Variants in SGMS2 observed in about 807,000 individuals in gnomAD.
The protein encoded by SGMS2 is phosphatidylcholine:ceramide cholinephosphotransferase 2.
In SGMS2, 21 loss-of-function variants were observed where a neutral mutation model predicts 43.8. That is an observed-to-expected ratio of 0.48 (90% confidence interval 0.34 to 0.69). The LOEUF (loss-of-function observed/expected upper bound fraction) is 0.69, where lower values mean the gene tolerates loss of function less well. SGMS2 is among the 30% of genes least tolerant of loss of function. The pLI, the probability that SGMS2 is intolerant of heterozygous loss-of-function variation, is 0.01. For synonymous variants in SGMS2, 167 were observed against 160.6 expected, an observed-to-expected ratio of 1.04 and a Z score of -0.30; for missense variants, 384 against 443.2, an observed-to-expected ratio of 0.87 and a Z score of 1.20.
chr4:107,873,517 G>A (rs1728694116), intron 2 of SGMS2: 1 of 151,896 alleles, frequency 6.6e-6, no homozygotes, highest in Admixed American at 6.6e-5. Flanking sequence ...AGAAAGACGA[G>A]CATCAAGGCC....
At chr4:107,838,636 C>G (rs1444732717) in intron 1 of SGMS2, among the ~76,000 whole-genome samples, 1 of 152,064 alleles carries the variant, frequency 6.6e-6, no homozygotes, top group African/African-American at 2.4e-5. Context: ...TGTCACTCCA[C>G]TACTATATTA....
At chr4:107,841,961 A>T (rs572170488) in intron 1 of SGMS2, among the ~76,000 whole-genome samples, 62 of 151,974 alleles carry the variant, frequency 4.1e-4, no homozygotes, top group African/African-American at 9.2e-4. Context: ...CTTTAAAAAA[A>T]TTTTTTTTTA....
chr4:107,839,608 T>G (rs1361307417), intron 1 of SGMS2, among the ~76,000 whole-genome samples: 1 of 152,166 alleles, frequency 6.6e-6, no homozygotes, highest in Non-Finnish European at 1.5e-5. Flanking sequence ...CCGTGGTATA[T>G]AAATGGCTAT....
At position 107,839,611 on chromosome 4, in the gene SGMS2, A is replaced by G. The variant is rs531570924; in HGVS notation, c.-327+14358A>G. 3.3e-5 allele frequency among the ~76,000 whole-genome samples: 5 copies of G among 152,268 alleles called. No individual in the cohort carries two copies. In the East Asian group the frequency reaches 9.6e-4, roughly 29 times the overall value. On this transcript the variant is annotated intron_variant, in intron 1 of 6. Transcript: ENST00000690982. ...TGTTACTGGAGACCGTGGTATATAA[A>G]TGGCTATATAGGATTTGCTTGTGTT...
At position 107,910,208 on chromosome 4, in the gene SGMS2, G is replaced by A. The variant is rs111491657; in HGVS notation, c.895-142G>A. 2.1e-5 allele frequency: 15 copies of A among 712,040 alleles called. No individual in the cohort carries two copies. In the African/African-American group the frequency reaches 2.5e-4, roughly 12 times the overall value. The allele number at this position is 712,040 out of a possible 1,614,324, so 44.1% of individuals were successfully genotyped here. ...GGGAGCGGAGTCATGGTAGAGTTAG[G>A]GAAAGGACATGAAAATCATTACTGC... is the stretch of plus-strand genomic sequence containing the variant. On this transcript the variant is annotated intron_variant, in intron 6 of 6. Transcript: ENST00000690982.
chr4:107,847,445 AG>A (rs1291859672), intron 1 of SGMS2, among the ~76,000 whole-genome samples: 1 of 151,828 alleles, frequency 6.6e-6, no homozygotes, highest in Non-Finnish European at 1.5e-5. Context: ...GTTATTTCTG[AG>A]GGCTCTGTTC....
At chr4:107,866,193 TATTG>T (rs762387285) in intron 2 of SGMS2, among the ~76,000 whole-genome samples, 19 of 152,194 alleles carry the variant, frequency 1.2e-4, no homozygotes, top group Non-Finnish European at 2.6e-4. Context: ...AAACTTTTGT[TATTG>T]ATTAATAGTA....
chr4:107,844,949 A>T (rs550487586), intron 1 of SGMS2, among the ~76,000 whole-genome samples: 1 of 152,068 alleles, frequency 6.6e-6, no homozygotes, highest in Non-Finnish European at 1.5e-5. Context: ...AACTGGGGAG[A>T]GAGTTGATAC....
chr4:107,827,690 T>C (rs781019427), intron 1 of SGMS2, among the ~76,000 whole-genome samples: 31 of 152,200 alleles, frequency 2.0e-4, no homozygotes, highest in Non-Finnish European at 4.1e-4. Context: ...TCAACTGAGA[T>C]ATATTTGCTG....
intron 1 of SGMS2, among the ~76,000 whole-genome samples, chr4:107,835,209 G>A (rs1461482939): frequency 6.6e-6 from 1 of 152,076 alleles, no homozygotes; most frequent in Non-Finnish European, 1.5e-5. Context: ...CAGAAATAGT[G>A]TAGAATTTTG....
chr4:107,880,022 T>C (rs1403890832), intron 2 of SGMS2, among the ~76,000 whole-genome samples: 1 of 152,158 alleles, frequency 6.6e-6, no homozygotes, highest in East Asian at 1.9e-4. Context: ...AAAAACTGGA[T>C]ATAGAACCAA....
intron 1 of SGMS2, among the ~76,000 whole-genome samples, chr4:107,826,957 A>G (rs370050614): frequency 7.2e-4 from 109 of 152,362 alleles, no homozygotes; most frequent in African/African-American, 2.5e-3. Flanking sequence ...ATGGGAATCC[A>G]GGAGACCTGA....
chr4:107,851,971 A>G (rs1332475740), intron 1 of SGMS2, among the ~76,000 whole-genome samples: 1 of 152,002 alleles, frequency 6.6e-6, no homozygotes, highest in Non-Finnish European at 1.5e-5. Context: ...GAATGCCTTT[A>G]TTTGCTTGCC....
At chr4:107,831,163 C>G (rs1173433307) in intron 1 of SGMS2, among the ~76,000 whole-genome samples, 4 of 152,200 alleles carry the variant, frequency 2.6e-5, no homozygotes, top group Admixed American at 6.5e-5. Context: ...CCAGCTGATT[C>G]TAATGCCATG....
At chr4:107,903,165 C>A in intron 4 of SGMS2, 68 bp from the exon 5 acceptor site, 1 of 1,481,216 alleles carries the variant, frequency 6.8e-7, no homozygotes, top group South Asian at 1.1e-5. Context: ...CTAAGAGTCA[C>A]ACAATTAGAC....
chr4:107,854,084 T>C (rs915130249), intron 1 of SGMS2, among the ~76,000 whole-genome samples: 3 of 152,242 alleles, frequency 2.0e-5, no homozygotes, highest in African/African-American at 4.8e-5. Flanking sequence ...ATTACCATTT[T>C]ATCTGAAGAA....
chr4:107,857,870 C>T (rs1560641861), intron 1 of SGMS2, among the ~76,000 whole-genome samples: 1 of 152,174 alleles, frequency 6.6e-6, no homozygotes, highest in African/African-American at 2.4e-5. Context: ...ACTCCTCTTC[C>T]CTTCTCTATG....
intron 2 of SGMS2, among the ~76,000 whole-genome samples, chr4:107,881,205 T>C (rs1335476645): frequency 6.6e-6 from 1 of 152,052 alleles, no homozygotes; most frequent in African/African-American, 2.4e-5. Context: ...CCATGCAATA[T>C]ACCAGATAAC....
chr4:107,825,621 T>TC (rs1491349095), intron 1 of SGMS2, among the ~76,000 whole-genome samples: 1 of 78,320 alleles, frequency 1.3e-5, no homozygotes, highest in African/African-American at 9.3e-5. Flanking sequence ...TTTCTTTCTC[T>TC]TTTTTTTTTT....
Sources: allele counts gnomAD v4.1 joint callset (sites outside exome capture counted in the v4.1 genomes callset), GRCh38; gene constraint gnomAD v4.1.1; transcripts MANE v1.5; gene names NCBI Gene and HGNC (gene_info 2026-07-23, HGNC 2026-07-21).